Variants in ROBO1 observed in about 807,000 individuals in gnomAD.
ROBO1 encodes the protein roundabout guidance receptor 1.
In ROBO1, 149 loss-of-function variants were observed where a neutral mutation model predicts 195.9. That is an observed-to-expected ratio of 0.76 (90% CI 0.67 to 0.87). The LOEUF is 0.87. ROBO1 is among the 40% of genes least tolerant of loss of function. The probability of loss-of-function intolerance (pLI) is 0.00; values close to 1 mark genes in which losing one functional copy is unlikely to be tolerated. For synonymous variants in ROBO1, 816 were observed against 733.2 expected, an observed-to-expected ratio of 1.11 and a Z score of -1.82; for missense variants, 1,933 against 2,068.3, an observed-to-expected ratio of 0.93 and a Z score of 1.27.
At chr3:78,693,485 A>C (rs1372769316) in intron 8 of ROBO1, 2 of 687,320 alleles carry the variant, frequency 2.9e-6, no homozygotes, top group African/African-American at 3.6e-5. Flanking sequence ...TTAATACTTG[A>C]ATATATGGCT....
intron 3 of ROBO1, among the ~76,000 whole-genome samples, chr3:79,064,489 A>G (rs1440223783): frequency 6.6e-6 from 1 of 151,898 alleles, no homozygotes; most frequent in East Asian, 1.9e-4. Context: ...GTTAGTGTCT[A>G]TTCTTGACAC....
chr3:78,856,969 A>AT (rs1278225096), intron 4 of ROBO1, among the ~76,000 whole-genome samples: 3 of 151,826 alleles, frequency 2.0e-5, no homozygotes, highest in Non-Finnish European at 2.9e-5. Flanking sequence ...CTAAGCTTTG[A>AT]TTTTTTCTAA....
chr3:79,758,499 A>G (rs563488702), intron 1 of ROBO1, among the ~76,000 whole-genome samples: 1 of 152,210 alleles, frequency 6.6e-6, no homozygotes, highest in African/African-American at 2.4e-5. Context: ...ATGCTGTACT[A>G]AAGGGTAATA....
chr3:79,105,175 A>G (rs1176504991), intron 3 of ROBO1, among the ~76,000 whole-genome samples: 1 of 151,794 alleles, frequency 6.6e-6, no homozygotes, highest in African/African-American at 2.4e-5. Context: ...TCTGTTTAAC[A>G]CACGTGGGGA....
chr3:79,247,322 T>C (rs917626925), intron 2 of ROBO1, among the ~76,000 whole-genome samples: 1 of 149,630 alleles, frequency 6.7e-6, no homozygotes, highest in African/African-American at 2.5e-5. Flanking sequence ...ACTACTGTCT[T>C]AACTGTCAGA....
chr3:79,584,956 A>C (rs557606254), intron 2 of ROBO1, among the ~76,000 whole-genome samples: 1 of 151,968 alleles, frequency 6.6e-6, no homozygotes, highest in South Asian at 2.1e-4. Flanking sequence ...TACTATAAAA[A>C]GTAACACTCA....
chr3:78,828,473 A>G (rs1035635921), intron 4 of ROBO1, among the ~76,000 whole-genome samples: 9 of 152,204 alleles, frequency 5.9e-5, no homozygotes, highest in African/African-American at 2.2e-4. Flanking sequence ...AAGCATAAGA[A>G]CAATAATTTA....
chr3:79,729,276 A>C (rs1378867523), intron 1 of ROBO1, among the ~76,000 whole-genome samples: 1 of 152,190 alleles, frequency 6.6e-6, no homozygotes, highest in Non-Finnish European at 1.5e-5. Flanking sequence ...TTCTCACAGC[A>C]CGACTTGGCC....
intron 2 of ROBO1, among the ~76,000 whole-genome samples, chr3:79,357,778 T>C (rs2035614531): frequency 6.6e-6 from 1 of 152,170 alleles, no homozygotes; most frequent in Non-Finnish European, 1.5e-5. Context: ...GTTTAATTGC[T>C]AACCTCTAGC....
At chr3:78,635,525 C>T (rs914481186) in intron 23 of ROBO1, among the ~76,000 whole-genome samples, 7 of 151,948 alleles carry the variant, frequency 4.6e-5, no homozygotes, top group Non-Finnish European at 7.4e-5. Context: ...CCCTCACCTG[C>T]TATTAAATTT....
At chr3:79,075,162 ACAT>A (rs568251701) in intron 3 of ROBO1, among the ~76,000 whole-genome samples, 55 of 151,962 alleles carry the variant, frequency 3.6e-4, no homozygotes, top group African/African-American at 1.3e-3. Context: ...ACATTTGGTA[ACAT>A]CATCATTCTT....
chr3:78,958,178 A>G (rs1378854178), intron 3 of ROBO1, among the ~76,000 whole-genome samples: 1 of 152,186 alleles, frequency 6.6e-6, no homozygotes, highest in African/African-American at 2.4e-5. Context: ...TGCTTTGGAA[A>G]AACCTAGAGC....
In ROBO1 at chr3:78,662,091, C is replaced by G. The variant is rs751055048; in HGVS notation, c.1990G>C (p.Val664Leu). The G allele has an allele frequency of 6.4e-7, 1 of 1,567,612 alleles. No homozygotes were observed. Residue 664 changes from valine to leucine, a missense_variant, in exon 15 of 31, where the codon GTG (valine) becomes CTG (leucine). By Grantham distance (32) the Val-to-Leu change is conservative (BLOSUM62 1). Around this residue, in one of 3 missense-constraint regions of ROBO1, gnomAD observed 1,737 missense variants for 1,882.5 expected, o/e 0.92. Coordinates refer to ENST00000464233, the MANE Select transcript of ROBO1 (RefSeq NM_002941.4). ...TCTCTCTGGACCTGCTTGTGGTCCACCCCCTGACTTGTTGGTAGGACATCT... is the reference window on the plus strand; with the variant it reads ...TCTCTCTGGACCTGCTTGTGGTCCAGCCCCTGACTTGTTGGTAGGACATCT... ...TQDVLPTSQG[V>L]DHKQVQRELG... is the part of the protein sequence containing the mutation.
intron 2 of ROBO1, among the ~76,000 whole-genome samples, chr3:79,291,349 C>T (rs879506660): frequency 2.0e-5 from 3 of 152,102 alleles, no homozygotes; most frequent in Non-Finnish European, 2.9e-5. Flanking sequence ...TCTTCTACCT[C>T]CCTCTCCAAC....
chr3:79,679,109 C>T (rs1345183452), intron 1 of ROBO1, among the ~76,000 whole-genome samples: 2 of 151,956 alleles, frequency 1.3e-5, no homozygotes, highest in South Asian at 4.1e-4. Context: ...TACACTTCCT[C>T]TAATTAACAA....
intron 1 of ROBO1, among the ~76,000 whole-genome samples, chr3:79,593,788 A>AC (rs1944077509): frequency 6.6e-6 from 1 of 151,140 alleles, no homozygotes; most frequent in African/African-American, 2.4e-5. Flanking sequence ...TTTTTTAAAT[A>AC]TTTTTTTTGG....
At position 78,639,801 on chromosome 3, in the gene ROBO1, A is replaced by G; in HGVS notation, c.2980T>C (p.Cys994Arg). The change falls in exon 22 of 31, where the codon TGC becomes CGC. Residue 994 changes from cysteine to arginine, a missense_variant. Physicochemically the swap from Cys to Arg is radical, Grantham distance 180 (BLOSUM62 -3). Around this residue, in one of 3 missense-constraint regions of ROBO1, gnomAD observed 1,737 missense variants for 1,882.5 expected, o/e 0.92. Coordinates refer to ENST00000464233, the MANE Select transcript of ROBO1 (RefSeq NM_002941.4). ...GNNHNDCSIS[C>R]CTAGNGNSDS... is the part of the protein sequence containing the mutation. The stretch of plus-strand genomic sequence containing the variant: ...CTGTTTCCATTGCCTGCCGTGCAGC[A>G]GCTGATGGAGCAGTCATTGTGGTTG... The G allele has an allele frequency of 1.2e-6, 2 of 1,613,678 alleles. No homozygotes were observed. Among genetic ancestry groups the G allele is most frequent in the Middle Eastern group, 1.7e-4 (1 of 6,040 alleles).
At chr3:78,681,697 G>C (rs550355088) in intron 10 of ROBO1, among the ~76,000 whole-genome samples, 100 of 152,228 alleles carry the variant, frequency 6.6e-4, no homozygotes, top group Middle Eastern at 3.4e-3. Context: ...GAGGTCAGGA[G>C]ATCAAGACCA....
At chr3:79,598,814 A>G (rs1210881514) in intron 1 of ROBO1, among the ~76,000 whole-genome samples, 6 of 151,916 alleles carry the variant, frequency 3.9e-5, no homozygotes, top group Non-Finnish European at 7.4e-5. Context: ...AACTCAGGCC[A>G]TTGCAGCAAC....
Sources: gnomAD v4.1 joint callset for allele counts (sites outside exome capture counted in the v4.1 genomes callset) on GRCh38, gnomAD v4.1.1 for gene constraint, gnomAD v4.1.1 regional missense constraint, MANE v1.5 for transcripts, NCBI Gene and HGNC (gene_info 2026-07-23, HGNC 2026-07-21) for gene names.